ZNF718: variants seen among roughly 807,000 people sequenced by gnomAD.
ZNF718 encodes zinc finger protein 718.
In ZNF718, 3 loss-of-function variants were observed where a neutral mutation model predicts 2.6. That is an observed-to-expected ratio of 1.16 (90% CI 0.53 to 3.01). ZNF718 has a LOEUF of 3.01. Among genes scored for constraint, ZNF718 ranks in the 30% most tolerant of loss-of-function variants. The probability of loss-of-function intolerance (pLI) is 0.03; values close to 1 mark genes in which losing one functional copy is unlikely to be tolerated. For missense variants in ZNF718, 468 were observed against 230.0 expected (o/e 2.03, Z -6.69); for synonymous variants, 135 against 77.9 (o/e 1.73, Z -3.86).
In ZNF718 at chr4:161,624, C is replaced by A. The variant is rs539850096; in HGVS notation, c.939C>A (p.Cys313Ter). 2.2e-5 allele frequency: 17 copies of A among 779,058 alleles called. No individual in the cohort carries two copies. In the East Asian group the frequency reaches 3.2e-4, roughly 15 times the overall value. 48.3% of individuals were successfully genotyped at this position (779,058 alleles called of 1,614,324 possible). A position where few individuals can be genotyped will look rare whatever the true frequency, so the allele number is the denominator to read the frequency against. The change falls in exon 4 of 4, where the codon TGC becomes TGA. Residue 313 changes from cysteine (C) to a stop codon, truncating the protein, a stop_gained. Coordinates refer to ENST00000510175, the MANE Select transcript of ZNF718 (RefSeq NM_001039127.6). LOFTEE classifies it low-confidence loss of function (END_TRUNC). ...ATGCTGGAGAGAAACCCTTCTCATG[C>A]GAAGAATGTGGCAATGTCTTTACCA... ...RIHAGEKPFSCEECGNVFTTS... is the reference protein window; with the variant it reads ...RIHAGEKPFS
chr4:162,200 A>G lies in ZNF718; in HGVS notation c.*78A>G, dbSNP rs1238603994. 3.4e-6 allele frequency: 2 copies of G among 592,410 alleles called. No individual in the cohort carries two copies. The highest frequency in any genetic ancestry group is 3.7e-5 in the African/African-American group (2 of 54,076). 36.7% of individuals were successfully genotyped at this position (592,410 alleles called of 1,614,324 possible). A position where few individuals can be genotyped will look rare whatever the true frequency, so the allele number is the denominator to read the frequency against. On this transcript the variant is annotated 3_prime_UTR_variant, in exon 4 of 4. Transcript: ENST00000510175. ...AATTCATACTGGAGAGAAACTCTAC[A>G]CATGAAAAAATTGACAAAGCTTTTA...
chr4:135,472 G>A (rs1361192567), intron 3 of ZNF718, among the ~76,000 whole-genome samples: 6 of 151,804 alleles, frequency 4.0e-5, no homozygotes, highest in Non-Finnish European at 5.9e-5. Context: ...GTACATGAGA[G>A]ACAAACTGCT....
intron 3 of ZNF718, among the ~76,000 whole-genome samples, chr4:135,230 C>G (rs1161365222): frequency 7.6e-6 from 1 of 132,126 alleles, no homozygotes; most frequent in Non-Finnish European, 1.6e-5. Context: ...CAGAGTGAGA[C>G]TCTTGTCTTA....
chr4:163,864 A>C lies in ZNF718; in HGVS notation c.*1742A>C, dbSNP rs1000556811. 6.6e-6 allele frequency: 1 copy of C among 151,866 alleles called. No homozygotes were observed. Among genetic ancestry groups the C allele is most frequent in the Non-Finnish European group, 1.5e-5 (1 of 67,942 alleles). The allele number at this position is 151,866 out of a possible 1,614,324, so 9.4% of individuals were successfully genotyped here. A position where few individuals can be genotyped will look rare whatever the true frequency, so the allele number is the denominator to read the frequency against. ...AAATTTTTATTATTTTTTATATTTAAATTTATTTTTAAAAATTTATGTGGG... is the reference window on the plus strand; with the variant it reads ...AAATTTTTATTATTTTTTATATTTACATTTATTTTTAAAAATTTATGTGGG... On this transcript the variant is annotated 3_prime_UTR_variant, in exon 4 of 4. Transcript: ENST00000510175.
intron 3 of ZNF718, among the ~76,000 whole-genome samples, chr4:143,372 G>A (rs1471050443): frequency 6.6e-6 from 1 of 152,110 alleles, no homozygotes; most frequent in Non-Finnish European, 1.5e-5. Flanking sequence ...ATTTTTAGTA[G>A]AGACGGGGTT....
intron 3 of ZNF718, among the ~76,000 whole-genome samples, chr4:156,661 C>G (rs61794960): frequency 0.14 from 21,071 of 152,072 alleles, 1,928 homozygotes; most frequent in Admixed American, 0.23. Context: ...CAATTGCTTT[C>G]TATTTCAGAA....
exon 5 of ZNF718, chr4:201,829 C>G (rs552901554): frequency 1.0e-5 from 2 of 197,762 alleles, no homozygotes; most frequent in South Asian, 2.2e-4. Flanking sequence ...GCACATACCA[C>G]TGTGAGGGCA....
chr4:178,984 TCCTC>T (rs1268318760), intron 3 of ZNF718, among the ~76,000 whole-genome samples: 3 of 152,196 alleles, frequency 2.0e-5, no homozygotes, highest in Non-Finnish European at 4.4e-5. Context: ...GTTATTATGC[TCCTC>T]CCTATTTTTC....
At chr4:139,008 C>T (rs1339843003) in intron 3 of ZNF718, among the ~76,000 whole-genome samples, 2 of 152,006 alleles carry the variant, frequency 1.3e-5, no homozygotes, top group Non-Finnish European at 2.9e-5. Context: ...TGTTTGTGTG[C>T]CTTATGTATT....
At chr4:151,151 G>A (rs1269070262) in intron 3 of ZNF718, among the ~76,000 whole-genome samples, 5 of 152,118 alleles carry the variant, frequency 3.3e-5, no homozygotes, top group African/African-American at 1.2e-4. Flanking sequence ...CACCCAGGCT[G>A]GAGTGTAGTG....
chr4:195,804 C>T (rs995489539), intron 3 of ZNF718, among the ~76,000 whole-genome samples: 2 of 152,090 alleles, frequency 1.3e-5, no homozygotes, highest in Non-Finnish European at 1.5e-5. Context: ...CCCTTGTTTA[C>T]GCTGACAACA....
chr4:166,403 A>T (rs1247189284), downstream of ZNF718, among the ~76,000 whole-genome samples: 1 of 152,126 alleles, frequency 6.6e-6, no homozygotes, highest in African/African-American at 2.4e-5. Flanking sequence ...TTTCTAGTTC[A>T]AGATCCCTGA....
At chr4:133,684 T>C (rs1285810373) in intron 3 of ZNF718, among the ~76,000 whole-genome samples, 5 of 152,242 alleles carry the variant, frequency 3.3e-5, no homozygotes, top group Non-Finnish European at 5.9e-5. Context: ...ACAAGAGTTA[T>C]GTTTGCATGA....
chr4:154,930 T>C (rs1252511709), intron 3 of ZNF718, among the ~76,000 whole-genome samples: 1 of 152,112 alleles, frequency 6.6e-6, no homozygotes, highest in Non-Finnish European at 1.5e-5. Flanking sequence ...GGGAAATAAT[T>C]TTATGGGTTG....
chr4:191,354 A>G (rs1459235040), intron 3 of ZNF718, among the ~76,000 whole-genome samples: 1 of 151,634 alleles, frequency 6.6e-6, no homozygotes, highest in Non-Finnish European at 1.5e-5. Flanking sequence ...GTTTTACCAT[A>G]TTGGTCAGGC....
At chr4:169,246 T>G (rs1230107083) in intron 3 of ZNF718, among the ~76,000 whole-genome samples, 1 of 152,194 alleles carries the variant, frequency 6.6e-6, no homozygotes, top group Non-Finnish European at 1.5e-5. Flanking sequence ...TCTTTTACAT[T>G]TGCTGAGGAG....
chr4:174,672 C>G (rs1553818774), intron 3 of ZNF718, among the ~76,000 whole-genome samples: 6 of 152,200 alleles, frequency 3.9e-5, no homozygotes. Flanking sequence ...GAGGCTATAA[C>G]TACCTTCTGA....
chr4:154,108 T>G (rs1410571071), intron 3 of ZNF718, among the ~76,000 whole-genome samples: 2 of 152,196 alleles, frequency 1.3e-5, no homozygotes, highest in African/African-American at 4.8e-5. Flanking sequence ...TTTCCCCTTT[T>G]GTTTGGCTCT....
At chr4:159,093 G>A (rs1716709567) in intron 3 of ZNF718, among the ~76,000 whole-genome samples, 1 of 149,318 alleles carries the variant, frequency 6.7e-6, no homozygotes, top group Admixed American at 6.7e-5. Context: ...CTAGAGTGCA[G>A]TGGCGCGATC....
Sources: gnomAD v4.1 joint callset for allele counts (sites outside exome capture counted in the v4.1 genomes callset) on GRCh38, gnomAD v4.1.1 for gene constraint, MANE v1.5 for transcripts, NCBI Gene and HGNC (gene_info 2026-07-23, HGNC 2026-07-21) for gene names.